KATNBL1: variants seen among roughly 807,000 people sequenced by gnomAD.
KATNBL1 encodes the protein KATNB1-like protein 1.
A neutral mutation model predicts 44.7 loss-of-function variants in KATNBL1; 28 were observed. That is an observed-to-expected ratio of 0.63 (90% CI 0.46 to 0.86). The LOEUF is 0.86. Among genes scored for constraint, KATNBL1 ranks in the 40% least tolerant of loss-of-function variants. The pLI, the probability that KATNBL1 is intolerant of heterozygous loss-of-function variation, is 0.00. For missense variants in KATNBL1, 272 were observed against 350.7 expected (o/e 0.78, Z 1.79); for synonymous variants, 78 against 114.9 (o/e 0.68, Z 2.06).
intron 9 of KATNBL1, 198 bp from the exon 10 acceptor site, chr15:34,142,569 A>G (rs989122464): frequency 1.2e-5 from 6 of 493,374 alleles, no homozygotes; most frequent in African/African-American, 1.2e-4. Context: ...CTCAATATAT[A>G]TTTGCTAAGT....
Position 34,147,212 on chromosome 15 carries a change from C to T in KATNBL1, c.686G>A (p.Ser229Asn). 6.2e-7 allele frequency: 1 copy of T among 1,602,446 alleles called. No individual in the cohort carries two copies. Among genetic ancestry groups the T allele is most frequent in the South Asian group, 1.1e-5 (1 of 90,714 alleles). ...LLPLVKSLLK[S>N]KFEEYVIVGL... ...GATTAGCACTTACTCTTCAAATTTG[C>T]TTTTAAGTAGTGACTTTACTAGAGG... Residue 229 changes from serine (S) to asparagine (N), a missense_variant, in exon 7 of 10, where the codon AGC becomes AAC. By Grantham distance (46) the Ser-to-Asn change is conservative (BLOSUM62 1). Around this residue, in one of 3 missense-constraint regions of KATNBL1, gnomAD observed 111 missense variants for 149.3 expected, o/e 0.74. Coordinates refer to ENST00000256544, the MANE Select transcript of KATNBL1 (RefSeq NM_024713.3).
intron 1 of KATNBL1, among the ~76,000 whole-genome samples, chr15:34,193,228 A>AAC (rs1567536853): frequency 8.2e-6 from 1 of 121,354 alleles, no homozygotes; most frequent in Non-Finnish European, 1.8e-5. Context: ...AAAAAAAAAA[A>AAC]AAAAAAACAA....
At chr15:34,169,919 G>A (rs958219684) in intron 1 of KATNBL1, among the ~76,000 whole-genome samples, 15 of 152,072 alleles carry the variant, frequency 9.9e-5, no homozygotes, top group Admixed American at 8.5e-4. Flanking sequence ...CAATAAACTA[G>A]GTACTGAAGA....
intron 9 of KATNBL1, chr15:34,143,102 C>G (rs1888198147): frequency 2.2e-6 from 2 of 911,128 alleles, no homozygotes; most frequent in Non-Finnish European, 3.0e-6. Flanking sequence ...TCGCATTGAA[C>G]TTTTAATCAC....
intron 4 of KATNBL1, among the ~76,000 whole-genome samples, chr15:34,151,435 ACTTT>A (rs1888470931): frequency 3.1e-5 from 2 of 63,846 alleles, no homozygotes; most frequent in Non-Finnish European, 6.4e-5. Flanking sequence ...TCCTTTGCCT[ACTTT>A]TTTTTTTTTT....
intron 1 of KATNBL1, among the ~76,000 whole-genome samples, chr15:34,164,586 T>C (rs1025475629): frequency 2.6e-5 from 4 of 152,166 alleles, no homozygotes; most frequent in Admixed American, 6.5e-5. Context: ...AAAGAGGGCA[T>C]GTTGATGGAA....
chr15:34,178,755 CAAAAAAA>C (rs59061813), intron 1 of KATNBL1, among the ~76,000 whole-genome samples: 1 of 122,680 alleles, frequency 8.2e-6, no homozygotes, highest in Non-Finnish European at 1.7e-5. Context: ...GACTCTGTCT[CAAAAAAA>C]AAAAAAAAAA....
chr15:34,178,750 T>C (rs991915270), intron 1 of KATNBL1, among the ~76,000 whole-genome samples: 8 of 62,218 alleles, frequency 1.3e-4, no homozygotes, highest in African/African-American at 2.3e-4. Flanking sequence ...AGCAAGACTC[T>C]GTCTCAAAAA....
intron 1 of KATNBL1, among the ~76,000 whole-genome samples, chr15:34,202,496 A>G (rs1327382150): frequency 6.6e-6 from 1 of 152,182 alleles, no homozygotes; most frequent in African/African-American, 2.4e-5. Flanking sequence ...GGATTATATT[A>G]CATCCCCAAC....
intron 4 of KATNBL1, among the ~76,000 whole-genome samples, chr15:34,150,581 G>A (rs1195811982): frequency 6.6e-6 from 1 of 152,176 alleles, no homozygotes; most frequent in Admixed American, 6.5e-5. Flanking sequence ...GTGATAGAGC[G>A]AGAGACCCTG....
chr15:34,152,324 C>T (rs571732770), intron 4 of KATNBL1, among the ~76,000 whole-genome samples: 1 of 152,156 alleles, frequency 6.6e-6, no homozygotes, highest in East Asian at 1.9e-4. Context: ...TCTCAGCCTC[C>T]TTCTGAGTAG....
At chr15:34,149,648 C>G (rs1888409507) in intron 4 of KATNBL1, among the ~76,000 whole-genome samples, 1 of 152,232 alleles carries the variant, frequency 6.6e-6, no homozygotes, top group African/African-American at 2.4e-5. Flanking sequence ...TGGTCTCCAA[C>G]TCCTGACCTC....
intron 1 of KATNBL1, among the ~76,000 whole-genome samples, chr15:34,188,165 A>AAAAAAAAAAAAAAAAAAAAT (rs71119943): frequency 7.2e-6 from 1 of 138,402 alleles, no homozygotes; most frequent in Non-Finnish European, 1.6e-5. Context: ...AAAAAAAAAA[A>AAAAAAAAAAAAAAAAAAAAT]GAAAATTCAC....
intron 1 of KATNBL1, among the ~76,000 whole-genome samples, chr15:34,178,846 G>A (rs1478058393): frequency 6.6e-6 from 1 of 151,624 alleles, no homozygotes; most frequent in Non-Finnish European, 1.5e-5. Context: ...TTTAGGGCCT[G>A]TACGTACTGA....
At chr15:34,152,720 G>T in intron 4 of KATNBL1, 70 bp downstream of exon 4, 1 of 1,287,910 alleles carries the variant, frequency 7.8e-7, no homozygotes, top group Non-Finnish European at 1.1e-6. Context: ...AGTGGAATAT[G>T]GCAAAGAAAA....
chr15:34,196,082 A>T (rs1447858755), intron 1 of KATNBL1, among the ~76,000 whole-genome samples: 1 of 152,182 alleles, frequency 6.6e-6, no homozygotes. Context: ...AAGATTCATT[A>T]AAAAAAGATG....
chr15:34,172,089 T>G (rs976343317), intron 1 of KATNBL1, among the ~76,000 whole-genome samples: 25 of 151,642 alleles, frequency 1.6e-4, no homozygotes, highest in Middle Eastern at 3.4e-3. Context: ...AAAAAATAAA[T>G]AAAGAAATAA....
At chr15:34,202,936 A>C (rs1890206648) in intron 1 of KATNBL1, among the ~76,000 whole-genome samples, 1 of 152,200 alleles carries the variant, frequency 6.6e-6, no homozygotes, top group Non-Finnish European at 1.5e-5. Context: ...GGTTGCAGTA[A>C]GCCAAGATCA....
At chr15:34,151,435 ACTTTTTTTTTTTT>A (rs1341717560) in intron 4 of KATNBL1, among the ~76,000 whole-genome samples, 40 of 63,826 alleles carry the variant, frequency 6.3e-4, no homozygotes, top group Admixed American at 1.2e-3. Flanking sequence ...TCCTTTGCCT[ACTTTTTTTTTTTT>A]TTTTTTTTTT....
Sources: gnomAD v4.1 joint callset for allele counts (sites outside exome capture counted in the v4.1 genomes callset) on GRCh38, gnomAD v4.1.1 for gene constraint, gnomAD v4.1.1 regional missense constraint, MANE v1.5 for transcripts, NCBI Gene and HGNC (gene_info 2026-07-23, HGNC 2026-07-21) for gene names.